Variants in RASAL3 observed in about 807,000 individuals in gnomAD.
RASAL3 encodes RAS protein activator like-3.
RASAL3 carries 74 observed loss-of-function variants against 105.5 expected under a neutral mutation model. The ratio of observed to expected loss-of-function variants is 0.70; its 90% CI spans 0.58 to 0.85. The LOEUF (loss-of-function observed/expected upper bound fraction) is 0.85. RASAL3 is among the 40% of genes least tolerant of loss of function. The pLI, the probability that RASAL3 is intolerant of heterozygous loss-of-function variation, is 0.00. For synonymous variants in RASAL3, 579 were observed against 591.6 expected (o/e 0.98, Z 0.31); for missense variants, 1,352 against 1,392.0 (o/e 0.97, Z 0.46).
rs1970388296 is a variant in RASAL3 at position 15,458,182 on chromosome 19, G to C, written c.888+146C>G. On this transcript the variant is annotated intron_variant, in intron 8 of 17. Coordinates refer to ENST00000343625, the MANE Select transcript of RASAL3 (RefSeq NM_022904.3). ...CCGGGGCTGGTAATAGATGGAAGGG[G>C]AGTCTTGGAGCCGTTGCAACGATGC... 2.8e-5 allele frequency: 20 copies of C among 721,060 alleles called. No homozygotes were observed. In the South Asian group the frequency reaches 3.4e-4, roughly 12 times the overall value. The allele number at this position is 721,060 out of a possible 1,614,324, so 44.7% of individuals were successfully genotyped here. A position where few individuals can be genotyped will look rare whatever the true frequency, so the allele number is the denominator to read the frequency against.
At chr19:15,455,975 G>T in intron 11 of RASAL3, 129 bp downstream of exon 11, 1 of 1,107,260 alleles carries the variant, frequency 9.0e-7, no homozygotes, top group Non-Finnish European at 1.3e-6. Context: ...TTTAGTATAA[G>T]CATGGTCCCA....
At position 15,452,028 on chromosome 19, in the gene RASAL3, T is replaced by C; in HGVS notation, c.2892+17A>G. The C allele has an allele frequency of 3.7e-6, 6 of 1,613,946 alleles. No individual in the cohort carries two copies. Among genetic ancestry groups the C allele is most frequent in the Non-Finnish European group, 5.1e-6 (6 of 1,179,870 alleles). Reference sequence around the variant, plus strand: ...CCACCGCCCAGACCTGCCCCAGGGCTCAGATGGCAATCTCACCAGGTTTTT... The same window carrying C: ...CCACCGCCCAGACCTGCCCCAGGGCCCAGATGGCAATCTCACCAGGTTTTT... On this transcript the variant is annotated intron_variant, in intron 17 of 17. Transcript: ENST00000343625.
chr19:15,458,529 C>T lies in RASAL3; in HGVS notation c.789G>A (p.Gln263=). The change falls in exon 7 of 18, where the codon CAG becomes CAA. Residue 263 remains glutamine (Q), a splice_region_variant and synonymous_variant. Transcript: ENST00000343625. ...ATCGAGGTGGACTGTCTACACTTAC[C>T]TGAAAGCAGTGGGGCTCCCCCAGGA... The part of the protein sequence containing the change: ...PSLLGEPHCF[Q]VTWTGGSRCF... 6.2e-7 allele frequency: 1 copy of T among 1,613,886 alleles called. No homozygotes were observed. Among genetic ancestry groups the T allele is most frequent in the Non-Finnish European group, 8.5e-7 (1 of 1,179,830 alleles).
chr19:15,463,181 G>T (rs1235647533), intron 2 of RASAL3, among the ~76,000 whole-genome samples: 1 of 151,364 alleles, frequency 6.6e-6, no homozygotes, highest in Admixed American at 6.6e-5. Context: ...CACCTCCCGG[G>T]TTCAAGCGAT....
At position 15,458,367 on chromosome 19, in the gene RASAL3, G is replaced by A. The variant is rs1970395897; in HGVS notation, c.849C>T (p.Arg283=). Residue 283 remains arginine, a synonymous_variant, in exon 8 of 18, where the codon CGC becomes CGT. Transcript: ENST00000343625. The part of the protein sequence containing the change: ...FSCRSAAERD[R]WIEDLRRQFQ... Reference sequence around the variant, plus strand: ...ATTGGCGACGAAGGTCCTCGATCCAGCGGTCTCTCTCAGCGGCCGAGCGAC... The same window carrying A: ...ATTGGCGACGAAGGTCCTCGATCCAACGGTCTCTCTCAGCGGCCGAGCGAC... 2 of 1,613,922 alleles carry A rather than the reference G, an allele frequency of 1.2e-6. No homozygotes were observed. The highest frequency in any genetic ancestry group is 1.7e-6 in the Non-Finnish European group (2 of 1,179,870).
At position 15,457,405 on chromosome 19, in the gene RASAL3, T is replaced by A. The variant is rs1970357889; in HGVS notation, c.1318A>T (p.Thr440Ser). Residue 440 changes from threonine (T) to serine (S), a missense_variant, in exon 9 of 18, where the codon ACC (threonine) becomes TCC (serine). Around this residue, in one of 3 missense-constraint regions of RASAL3, gnomAD observed 920 missense variants for 919.6 expected, o/e 1.00. Transcript: ENST00000343625. The surrounding 1 kb of genome is among the most constrained non-coding windows in gnomAD (Gnocchi z 8.6). The stretch of plus-strand genomic sequence containing the variant: ...CCGCAGAGGCGCGCATAGTGGAAGG[T>A]GAGGAACTCCGCCAGCTCCTTGTAG... ...ERYKELAEFLTFHYARLCGAL... is the reference protein window; with the variant it reads ...ERYKELAEFLSFHYARLCGAL... 2 of 1,449,616 alleles carry A rather than the reference T, an allele frequency of 1.4e-6. No individual in the cohort carries two copies. Among genetic ancestry groups the A allele is most frequent in the Non-Finnish European group, 1.8e-6 (2 of 1,105,580 alleles). 89.8% of individuals were successfully genotyped at this position (1,449,616 alleles called of 1,614,324 possible).
intron 13 of RASAL3, 28 bp downstream of exon 13, chr19:15,454,333 G>T (rs1241628973): frequency 1.3e-6 from 2 of 1,589,318 alleles, no homozygotes; most frequent in East Asian, 2.3e-5. Context: ...AAGCCTTCTT[G>T]CCTCCCTACT....
At position 15,456,351 on chromosome 19, in the gene RASAL3, A is replaced by G. The variant is rs1970319245; in HGVS notation, c.1577-103T>C. The stretch of plus-strand genomic sequence containing the variant: ...TCAGGTTATTCCGGAGGCACCCAAC[A>G]TCTTGGGGAGCTCCCAATTGTCCCC... On this transcript the variant is annotated intron_variant, in intron 10 of 17. Coordinates refer to ENST00000343625, the MANE Select transcript of RASAL3 (RefSeq NM_022904.3). This position sits in a 1 kb window ranked among gnomAD's most constrained non-coding sequence, Gnocchi z 4.4. The G allele has an allele frequency of 3.2e-6, 5 of 1,541,300 alleles. No homozygotes were observed. Among genetic ancestry groups the G allele is most frequent in the Non-Finnish European group, 1.8e-6 (2 of 1,138,236 alleles).
chr19:15,458,942 T>C (rs1167238647), intron 6 of RASAL3, among the ~76,000 whole-genome samples: 2 of 68,006 alleles, frequency 2.9e-5, no homozygotes, highest in African/African-American at 4.9e-5. Context: ...TTTATCCTAT[T>C]TATTTATTTA....
Position 15,458,361 on chromosome 19 carries a change from G to C in RASAL3, c.855C>G (p.Ile285Met), listed in dbSNP as rs1447123574. Residue 285 changes from isoleucine to methionine, a missense_variant, in exon 8 of 18, where the codon ATC becomes ATG. This residue lies in a region of RASAL3 where 88 missense variants were observed against 132.7 expected (regional missense o/e 0.66). Coordinates refer to ENST00000343625, the MANE Select transcript of RASAL3 (RefSeq NM_022904.3). ...CRSAAERDRW[I>M]EDLRRQFQPT... Reference sequence around the variant, plus strand: ...GCTGGAATTGGCGACGAAGGTCCTCGATCCAGCGGTCTCTCTCAGCGGCCG... The same window carrying C: ...GCTGGAATTGGCGACGAAGGTCCTCCATCCAGCGGTCTCTCTCAGCGGCCG... 2.5e-6 allele frequency: 4 copies of C among 1,613,902 alleles called. No individual in the cohort carries two copies. In the South Asian group the frequency reaches 4.4e-5, roughly 18 times the overall value.
At position 15,454,731 on chromosome 19, in the gene RASAL3, G is replaced by A. The variant is rs909053351; in HGVS notation, c.1884C>T (p.Asp628=). ...TGCGGGCTGGGCCGGGTGCTGGATG[G>A]TCTGGTGCCAAACCAAAGAGGCTGG... The part of the protein sequence containing the change: ...LAPSLFGLAP[D]HPAPGPARTL... The change falls in exon 12 of 18, where the codon GAC becomes GAT. Residue 628 remains aspartate, a synonymous_variant. Transcript: ENST00000343625. 1.2e-6 allele frequency: 2 copies of A among 1,610,168 alleles called. No homozygotes were observed. Among genetic ancestry groups the A allele is most frequent in the Admixed American group, 3.4e-5 (2 of 59,180 alleles).
rs771222303 is a variant in RASAL3 at position 15,453,270 on chromosome 19, G to T, written c.2507C>A (p.Pro836Gln). 5 of 1,555,860 alleles carry T rather than the reference G, an allele frequency of 3.2e-6. No homozygotes were observed. In the South Asian group the frequency reaches 5.8e-5, roughly 18 times the overall value. ...CATGCTCAGGGAGCCTTTGGGTCGCGGCCAGGGCCCCGCAGATTGGCGGCG... is the reference window on the plus strand; with the variant it reads ...CATGCTCAGGGAGCCTTTGGGTCGCTGCCAGGGCCCCGCAGATTGGCGGCG... ...ARRRQSAGPWPRPKGSLSMGP... is the reference protein window; with the variant it reads ...ARRRQSAGPWQRPKGSLSMGP... Residue 836 changes from proline (P) to glutamine (Q), a missense_variant, in exon 15 of 18, where the codon CCG becomes CAG. Physicochemically the swap from Pro to Gln is moderately conservative, Grantham distance 76. Transcript: ENST00000343625. This position sits in a 1 kb window ranked among gnomAD's most constrained non-coding sequence, Gnocchi z 4.2.
chr19:15,452,136 G>A (rs1970170402), intron 16 of RASAL3, 28 bp from the exon 17 acceptor site: 2 of 1,612,630 alleles, frequency 1.2e-6, no homozygotes. Context: ...TTGGGGCGAA[G>A]GGCAGAGGCT....
In RASAL3 at chr19:15,453,174, CAGGGTACCGACGGCTTCCG is replaced by C; in HGVS notation, c.2584_2602del (p.Arg862GlyfsTer21). The C allele has an allele frequency of 1.2e-6, 2 of 1,613,202 alleles. No individual in the cohort carries two copies. The highest frequency in any genetic ancestry group is 2.2e-5 in the South Asian group (2 of 91,006). ...TTGCGGCTGGTCCATTTGGCGCTGC[CAGGGTACCGACGGCTTCCG>C]AGGCAGCGAGGCGGAGTCCCGGGTC... On this transcript the variant is annotated frameshift_variant, in exon 15 of 18. Coordinates refer to ENST00000343625, the MANE Select transcript of RASAL3 (RefSeq NM_022904.3). LOFTEE classifies it high-confidence loss of function. The surrounding 1 kb of genome is among the most constrained non-coding windows in gnomAD (Gnocchi z 4.2).
At chr19:15,454,607 C>T in intron 12 of RASAL3, 45 bp from the exon 13 acceptor site, 3 of 1,611,862 alleles carry the variant, frequency 1.9e-6, no homozygotes, top group South Asian at 1.1e-5. Context: ...GCACCTGCCA[C>T]CCCCACACTC....
Position 15,456,249 on chromosome 19 carries a change from C to G in RASAL3, c.1577-1G>C. 6.2e-7 allele frequency: 1 copy of G among 1,613,106 alleles called. No homozygotes were observed. The highest frequency in any genetic ancestry group is 1.1e-5 in the South Asian group (1 of 91,062). On this transcript the variant is annotated splice_acceptor_variant, in intron 10 of 17. Coordinates refer to ENST00000343625, the MANE Select transcript of RASAL3 (RefSeq NM_022904.3). LOFTEE classifies it high-confidence loss of function. The surrounding 1 kb of genome is among the most constrained non-coding windows in gnomAD (Gnocchi z 4.4). ...GCACAGAGACGCCGCACAACCTGTC[C>G]TGCAGCCCAGCACAGCCAGATAGGG...
chr19:15,461,699 C>A, intron 2 of RASAL3, 92 bp from the exon 3 acceptor site: 3 of 1,416,410 alleles, frequency 2.1e-6, no homozygotes, highest in Non-Finnish European at 2.8e-6. Flanking sequence ...GGTGGGTTCC[C>A]TCCTAGGTGC....
Position 15,453,834 on chromosome 19 carries a change from T to C in RASAL3, c.2279+315A>G, listed in dbSNP as rs1970235136. 6.6e-6 allele frequency among the ~76,000 whole-genome samples: 1 copy of C among 151,720 alleles called. No homozygotes were observed. The highest frequency in any genetic ancestry group is 1.5e-5 in the Non-Finnish European group (1 of 67,942). Reference sequence around the variant, plus strand: ...CTTGTCTTAAGTTCCTGGCCTCAAGTGATCCTCCTGCCTCAGCCTCCCAAA... The same window carrying C: ...CTTGTCTTAAGTTCCTGGCCTCAAGCGATCCTCCTGCCTCAGCCTCCCAAA... On this transcript the variant is annotated intron_variant, in intron 14 of 17. Coordinates refer to ENST00000343625, the MANE Select transcript of RASAL3 (RefSeq NM_022904.3). The surrounding 1 kb of genome is among the most constrained non-coding windows in gnomAD (Gnocchi z 4.2).
In RASAL3 at chr19:15,457,750, C is replaced by T. The variant is rs756825291; in HGVS notation, c.973G>A (p.Gly325Ser). 4 of 1,543,894 alleles carry T rather than the reference C, an allele frequency of 2.6e-6. No homozygotes were observed. The highest frequency in any genetic ancestry group is 1.7e-6 in the Non-Finnish European group (2 of 1,144,864). ...GLPRAAAGAPGVRAELWLDGA... is the reference protein window; with the variant it reads ...GLPRAAAGAPSVRAELWLDGA... ...TCCAGCCACAGCTCGGCGCGCACGC[C>T]GGGTGCCCCCGCCGCTGCTCGGGGA... The change falls in exon 9 of 18, where the codon GGC becomes AGC. Residue 325 changes from glycine (G) to serine (S), a missense_variant. By Grantham distance (56) the Gly-to-Ser change is moderately conservative. This residue lies in a region of RASAL3 where 88 missense variants were observed against 132.7 expected (regional missense o/e 0.66). Transcript: ENST00000343625. The surrounding 1 kb of genome is among the most constrained non-coding windows in gnomAD (Gnocchi z 8.6).
Sources: gnomAD v4.1 joint callset for allele counts (sites outside exome capture counted in the v4.1 genomes callset) on GRCh38, gnomAD v4.1.1 for gene constraint, gnomAD v4.1.1 regional missense constraint, Gnocchi (gnomAD v3.1) non-coding constraint, MANE v1.5 for transcripts, NCBI Gene and HGNC (gene_info 2026-07-23, HGNC 2026-07-21) for gene names.